STARD5: variants seen among roughly 807,000 people sequenced by gnomAD.
The protein encoded by STARD5 is stAR-related lipid transfer protein 5.
STARD5 carries 26 observed loss-of-function variants against 24.6 expected under a neutral mutation model. That is an observed-to-expected ratio of 1.06 (90% confidence interval 0.77 to 1.47). The LOEUF is 1.47. Ranked by LOEUF, STARD5 falls within the 40% of genes most tolerant of loss-of-function variation. The pLI is 0.00. For synonymous variants in STARD5, 101 were observed against 99.7 expected, an observed-to-expected ratio of 1.01 and a Z score of -0.07; for missense variants, 254 against 270.8, an observed-to-expected ratio of 0.94 and a Z score of 0.44.
rs1199739317 is a variant in STARD5 at position 81,322,490 on chromosome 15, C to T, written c.200G>A (p.Cys67Tyr). ...VYGTLEEVWD[C>Y]VKPAVGGLRV... ...TAGGCCTCCAACAGCTGGCTTCACA[C>T]AGTCCCACACCTCCTCTAGTGTCCC... Residue 67 changes from cysteine (C) to tyrosine (Y), a missense_variant, in exon 3 of 6, where the codon TGT (cysteine) becomes TAT (tyrosine). By Grantham distance (194) the Cys-to-Tyr change is radical. Coordinates refer to ENST00000302824, the MANE Select transcript of STARD5 (RefSeq NM_181900.3). 1.9e-6 allele frequency: 3 copies of T among 1,614,250 alleles called. No individual in the cohort carries two copies. The highest frequency in any genetic ancestry group is 2.5e-6 in the Non-Finnish European group (3 of 1,180,044).
At position 81,322,441 on chromosome 15, in the gene STARD5, C is replaced by T; in HGVS notation, c.249G>A (p.Val83=). ...TGCTTTGGATAATTTCAAAACCGGTCACATTCTCATCCCACTTCACTCGTA... is the reference window on the plus strand; with the variant it reads ...TGCTTTGGATAATTTCAAAACCGGTTACATTCTCATCCCACTTCACTCGTA... ...GGLRVKWDEN[V]TGFEIIQSIT... The change falls in exon 3 of 6, where the codon GTG becomes GTA. Residue 83 remains valine, a synonymous_variant. Coordinates refer to ENST00000302824, the MANE Select transcript of STARD5 (RefSeq NM_181900.3). The T allele has an allele frequency of 6.2e-7, 1 of 1,614,236 alleles. No homozygotes were observed. Among genetic ancestry groups the T allele is most frequent in the Non-Finnish European group, 8.5e-7 (1 of 1,180,052 alleles).
At chr15:81,318,639 T>A (rs1198813039) in intron 4 of STARD5, 137 bp from the exon 5 acceptor site, 2 of 700,272 alleles carry the variant, frequency 2.9e-6, no homozygotes, top group Admixed American at 2.4e-5. Flanking sequence ...TTGGCGTGAG[T>A]TCCCCCTACT....
chr15:81,316,122 T>A (rs1327354069), intron 5 of STARD5, among the ~76,000 whole-genome samples: 2 of 152,176 alleles, frequency 1.3e-5, no homozygotes, highest in Non-Finnish European at 2.9e-5. Flanking sequence ...TTGCATCTGC[T>A]CATCCCCCTG....
In STARD5 at chr15:81,324,057, C is replaced by T. The variant is rs746721799; in HGVS notation, c.43G>A (p.Glu15Lys). The T allele has an allele frequency of 6.9e-6, 11 of 1,586,208 alleles. No homozygotes were observed. In the Admixed American group the frequency reaches 8.6e-5, roughly 12 times the overall value. Residue 15 changes from glutamate (E) to lysine (K), a missense_variant, in exon 1 of 6, where the codon GAG becomes AAG. By Grantham distance (56) the Glu-to-Lys change is moderately conservative. Coordinates refer to ENST00000302824, the MANE Select transcript of STARD5 (RefSeq NM_181900.3). ...TCCCGCCGGTACTGGAGCATCTTCT[C>T]GGCCACAGCCTCGCTCATCTGGGCT... ...LAAQMSEAVA[E>K]KMLQYRRDTA...
chr15:81,322,444 A>C lies in STARD5; in HGVS notation c.246T>G (p.Asn82Lys), dbSNP rs761831136. 2 of 1,614,226 alleles carry C rather than the reference A, an allele frequency of 1.2e-6. No individual in the cohort carries two copies. The highest frequency in any genetic ancestry group is 1.7e-6 in the Non-Finnish European group (2 of 1,180,036). ...TTTGGATAATTTCAAAACCGGTCAC[A>C]TTCTCATCCCACTTCACTCGTAGGC... ...VGGLRVKWDE[N>K]VTGFEIIQSI... is the part of the protein sequence containing the mutation. The change falls in exon 3 of 6, where the codon AAT (asparagine) becomes AAG (lysine). Residue 82 changes from asparagine (N) to lysine (K), a missense_variant. Asn to Lys is a moderately conservative substitution (Grantham distance 94). Transcript: ENST00000302824.
In STARD5 at chr15:81,312,166, TC is replaced by T. The variant is rs1304022977; in HGVS notation, c.*1089del. ...GAGGTTGCTAGAGAATGTTAGAGGA[TC>T]CCTCTCTGGATTGGAGATAGGGAAA... On this transcript the variant is annotated 3_prime_UTR_variant, in exon 6 of 6. Coordinates refer to ENST00000302824, the MANE Select transcript of STARD5 (RefSeq NM_181900.3). 3.3e-5 allele frequency: 5 copies of T among 152,120 alleles called. No homozygotes were observed. The highest frequency in any genetic ancestry group is 5.9e-5 in the Non-Finnish European group (4 of 68,038). The allele number at this position is 152,120 out of a possible 1,614,324, so 9.4% of individuals were successfully genotyped here. A position where few individuals can be genotyped will look rare whatever the true frequency, so the allele number is the denominator to read the frequency against.
intron 5 of STARD5, chr15:81,314,136 A>G (rs1400580345): frequency 1.3e-5 from 2 of 152,228 alleles, no homozygotes; most frequent in Admixed American, 1.3e-4. Context: ...ACATCAAATA[A>G]TGATAGCTAT....
intron 5 of STARD5, among the ~76,000 whole-genome samples, chr15:81,316,477 G>C (rs1272265061): frequency 3.3e-5 from 5 of 152,200 alleles, no homozygotes; most frequent in African/African-American, 4.8e-5. Flanking sequence ...CTTGCTGGCT[G>C]TGTGACCTTG....
In STARD5 at chr15:81,323,015, C is replaced by T. The variant is rs574057421; in HGVS notation, c.100-67G>A. The T allele has an allele frequency of 5.6e-5, 88 of 1,581,064 alleles. No homozygotes were observed. In the Middle Eastern group the frequency reaches 1.4e-3, roughly 24 times the overall value. ...GGCTCTGGTCACCTGGCTTAATCCC[C>T]TGTTCTACAGAAGAGGGGTAAGAGG... On this transcript the variant is annotated intron_variant, in intron 1 of 5. Coordinates refer to ENST00000302824, the MANE Select transcript of STARD5 (RefSeq NM_181900.3).
chr15:81,315,647 C>G (rs1419863345), intron 5 of STARD5, among the ~76,000 whole-genome samples: 2 of 152,118 alleles, frequency 1.3e-5, no homozygotes, highest in African/African-American at 4.8e-5. Context: ...TCCCCCGCCC[C>G]CCGCGCCACT....
chr15:81,315,143 C>T (rs547063733), intron 5 of STARD5, among the ~76,000 whole-genome samples: 3 of 152,184 alleles, frequency 2.0e-5, no homozygotes, highest in Non-Finnish European at 4.4e-5. Context: ...CCAACCCCTG[C>T]CCATCCCGCC....
At chr15:81,322,570 C>T (rs374416924) in intron 2 of STARD5, 30 bp from the exon 3 acceptor site, 66 of 1,613,692 alleles carry the variant, frequency 4.1e-5, no homozygotes, top group African/African-American at 2.4e-4. Context: ...TTGACCCCAA[C>T]GCATCAATCA....
At chr15:81,321,512 A>T (rs1447047210) in intron 3 of STARD5, among the ~76,000 whole-genome samples, 1 of 151,882 alleles carries the variant, frequency 6.6e-6, no homozygotes, top group Non-Finnish European at 1.5e-5. Context: ...TAGGAGGCTG[A>T]GGCAGGAGAA....
At chr15:81,320,181 A>G (rs115184174) in intron 3 of STARD5, among the ~76,000 whole-genome samples, 3,130 of 152,116 alleles carry the variant, frequency 0.021, 133 homozygotes, top group African/African-American at 0.072. Context: ...CTGTGATGGA[A>G]CAGTCCTGGA....
intron 3 of STARD5, among the ~76,000 whole-genome samples, chr15:81,320,128 CCCAGG>C (rs1283776111): frequency 2.6e-5 from 4 of 152,120 alleles, no homozygotes; most frequent in Non-Finnish European, 5.9e-5. Context: ...GAGAGTGGGG[CCCAGG>C]CTCTCTCGAG....
chr15:81,322,450 A>C lies in STARD5; in HGVS notation c.240T>G (p.Asp80Glu). The C allele has an allele frequency of 6.2e-7, 1 of 1,614,194 alleles. No homozygotes were observed. Among genetic ancestry groups the C allele is most frequent in the Non-Finnish European group, 8.5e-7 (1 of 1,180,028 alleles). The change falls in exon 3 of 6, where the codon GAT becomes GAG. Residue 80 changes from aspartate to glutamate, a missense_variant. Transcript: ENST00000302824. Reference sequence around the variant, plus strand: ...TAATTTCAAAACCGGTCACATTCTCATCCCACTTCACTCGTAGGCCTCCAA... The same window carrying C: ...TAATTTCAAAACCGGTCACATTCTCCTCCCACTTCACTCGTAGGCCTCCAA... ...PAVGGLRVKW[D>E]ENVTGFEIIQ...
chr15:81,312,771 T>G lies in STARD5; in HGVS notation c.*485A>C, dbSNP rs965021787. ...CGGCATTAAAGCCATATACAAGGTC[T>G]ATATCAGAAAAATATATTTGGGGGG... On this transcript the variant is annotated 3_prime_UTR_variant, in exon 6 of 6. Coordinates refer to ENST00000302824, the MANE Select transcript of STARD5 (RefSeq NM_181900.3). 4.6e-5 allele frequency: 7 copies of G among 152,436 alleles called. No individual in the cohort carries two copies. The highest frequency in any genetic ancestry group is 3.9e-4 in the Admixed American group (6 of 15,292). The allele number at this position is 152,436 out of a possible 1,614,324, so 9.4% of individuals were successfully genotyped here.
At chr15:81,322,665 G>T in intron 2 of STARD5, 125 bp from the exon 3 acceptor site, 1 of 1,486,360 alleles carries the variant, frequency 6.7e-7, no homozygotes, top group Non-Finnish European at 9.2e-7. Flanking sequence ...GACTTGCAGA[G>T]AAGGGGCTGA....
intron 3 of STARD5, among the ~76,000 whole-genome samples, chr15:81,320,709 T>A (rs1325573128): frequency 6.6e-6 from 1 of 152,174 alleles, no homozygotes; most frequent in Non-Finnish European, 1.5e-5. Context: ...TAAATTCTGG[T>A]ATTTTGTAAC....
Sources: gnomAD v4.1 joint callset for allele counts (sites outside exome capture counted in the v4.1 genomes callset) on GRCh38, gnomAD v4.1.1 for gene constraint, MANE v1.5 for transcripts, NCBI Gene and HGNC (gene_info 2026-07-23, HGNC 2026-07-21) for gene names.